GLS2: variants seen among roughly 807,000 people sequenced by gnomAD.
The protein encoded by GLS2 is glutaminase liver isoform, mitochondrial.
GLS2 carries 52 observed loss-of-function variants against 79.0 expected under a neutral mutation model. The observed-to-expected ratio is 0.66, with a 90% CI of 0.53 to 0.83. The LOEUF (loss-of-function observed/expected upper bound fraction) is 0.83. GLS2 is among the 40% of genes least tolerant of loss of function. The probability of loss-of-function intolerance (pLI) is 0.00; values close to 1 mark genes in which losing one functional copy is unlikely to be tolerated. For synonymous variants in GLS2, 238 were observed against 280.8 expected (o/e 0.85, Z 1.52); for missense variants, 561 against 764.8 (o/e 0.73, Z 3.14).
intron 15 of GLS2, chr12:56,472,453 A>C: frequency 1.7e-6 from 1 of 600,656 alleles, no homozygotes. Context: ...CAGGGTACCT[A>C]CTTCCTAGGA....
At chr12:56,476,017 G>A (rs1368613866) in intron 7 of GLS2, 40 bp from the exon 8 acceptor site, 2 of 1,590,904 alleles carry the variant, frequency 1.3e-6, no homozygotes, top group Admixed American at 1.7e-5. Context: ...CTAAGTGTAG[G>A]AGGATGACAG....
chr12:56,473,369 A>G (rs1447881749), intron 13 of GLS2, 49 bp from the exon 14 acceptor site: 1 of 1,606,416 alleles, frequency 6.2e-7, no homozygotes, highest in East Asian at 2.2e-5. Flanking sequence ...TACACTTAGT[A>G]GGAGCTCAAA....
Position 56,474,397 on chromosome 12 carries a change from C to T in GLS2, c.1224+147G>A, listed in dbSNP as rs949702817. ...AGGAACTTGGTGTTTTTGAGAAACT[C>T]GTCTAAGGAGTCTCAACCTAATTGC... On this transcript the variant is annotated intron_variant, in intron 12 of 17. Transcript: ENST00000311966. The T allele has an allele frequency of 1.8e-5, 17 of 924,096 alleles. No homozygotes were observed. In the East Asian group the frequency reaches 3.2e-4, roughly 17 times the overall value. The allele number at this position is 924,096 out of a possible 1,614,324, so 57.2% of individuals were successfully genotyped here.
At position 56,480,287 on chromosome 12, in the gene GLS2, C is replaced by G; in HGVS notation, c.282+1G>C. Reference sequence around the variant, plus strand: ...TCCTGAACAGGTAGAGGGCAACTTACAGTGGTGAACTTGTGGATAGGGATT... The same window carrying G: ...TCCTGAACAGGTAGAGGGCAACTTAGAGTGGTGAACTTGTGGATAGGGATT... On this transcript the variant is annotated splice_donor_variant, in intron 2 of 17. Transcript: ENST00000311966. LOFTEE classifies it high-confidence loss of function. 1 of 1,613,126 alleles carries G rather than the reference C, an allele frequency of 6.2e-7. No individual in the cohort carries two copies. Among genetic ancestry groups the G allele is most frequent in the Non-Finnish European group, 8.5e-7 (1 of 1,179,112 alleles).
chr12:56,485,945 G>A (rs1287529539), intron 1 of GLS2, among the ~76,000 whole-genome samples: 1 of 148,098 alleles, frequency 6.8e-6, no homozygotes, highest in Non-Finnish European at 1.5e-5. Flanking sequence ...AGGAAGCTGA[G>A]GCAGAGGTTG....
In GLS2 at chr12:56,480,280, C is replaced by A; in HGVS notation, c.282+8G>T. On this transcript the variant is annotated splice_region_variant and intron_variant, in intron 2 of 17. Transcript: ENST00000311966. ...ATTAGGATCCTGAACAGGTAGAGGG[C>A]AACTTACAGTGGTGAACTTGTGGAT... 2 of 1,611,658 alleles carry A rather than the reference C, an allele frequency of 1.2e-6. No homozygotes were observed. The highest frequency in any genetic ancestry group is 1.7e-6 in the Non-Finnish European group (2 of 1,177,878).
intron 4 of GLS2, 116 bp from the exon 5 acceptor site, chr12:56,478,378 A>AG: frequency 1.8e-6 from 2 of 1,086,656 alleles, no homozygotes; most frequent in South Asian, 1.5e-5. Context: ...TCTATAGGGC[A>AG]GAGGGGTTCC....
At chr12:56,480,510 C>G in intron 1 of GLS2, 123 bp from the exon 2 acceptor site, 1 of 721,984 alleles carries the variant, frequency 1.4e-6, no homozygotes. Flanking sequence ...CTTAAGCCAT[C>G]TGATCTATCC....
chr12:56,472,525 T>TGTA lies in GLS2; in HGVS notation c.1511+164_1511+165insTAC. The stretch of plus-strand genomic sequence containing the variant: ...AATTATCATAGAGCAGACAGTTTAC[T>TGTA]TTTTTTAAAAAAAATCTCCTTTTTT... On this transcript the variant is annotated intron_variant, in intron 15 of 17. Transcript: ENST00000311966. The TGTA allele has an allele frequency of 4.6e-6, 3 of 650,490 alleles. No homozygotes were observed. The South Asian group carries it at 5.9e-5, about 13-fold the overall frequency. 40.3% of individuals were successfully genotyped at this position (650,490 alleles called of 1,614,324 possible).
chr12:56,488,125 G>A lies in GLS2; in HGVS notation c.-7C>T, dbSNP rs1192418985. 6.5e-7 allele frequency: 1 copy of A among 1,529,086 alleles called. No homozygotes were observed. The highest frequency in any genetic ancestry group is 1.2e-5 in the South Asian group (1 of 83,610). 94.7% of individuals were successfully genotyped at this position (1,529,086 alleles called of 1,614,324 possible). On this transcript the variant is annotated 5_prime_UTR_variant, in exon 1 of 18. Coordinates refer to ENST00000311966, the MANE Select transcript of GLS2 (RefSeq NM_013267.4). ...GAGCCTTCATGGAGCGCATGCCCCA[G>A]CAAGCCTCCGGCTCTGCAGGTGCGC...
Position 56,480,392 on chromosome 12 carries a change from T to C in GLS2, c.183-5A>G. On this transcript the variant is annotated splice_polypyrimidine_tract_variant and splice_region_variant and intron_variant, in intron 1 of 17. Coordinates refer to ENST00000311966, the MANE Select transcript of GLS2 (RefSeq NM_013267.4). ...ATGCCACTTTCTGATGAATCACTGT[T>C]TGGGGGCAGAGAATGGGGAGGAAAG... 6.2e-7 allele frequency: 1 copy of C among 1,612,864 alleles called. No individual in the cohort carries two copies. The highest frequency in any genetic ancestry group is 8.5e-7 in the Non-Finnish European group (1 of 1,178,946).
At chr12:56,474,774 T>C in intron 11 of GLS2, 54 bp from the exon 12 acceptor site, 2 of 1,612,510 alleles carry the variant, frequency 1.2e-6, no homozygotes, top group Admixed American at 3.3e-5. Context: ...CATGGGACCC[T>C]CGGGTGTAGG....
intron 8 of GLS2, 121 bp from the exon 9 acceptor site, chr12:56,475,803 C>G: frequency 7.2e-7 from 1 of 1,388,208 alleles, no homozygotes; most frequent in Non-Finnish European, 1.0e-6. Context: ...CTGAGGCCAG[C>G]AGATTTCCAC....
intron 12 of GLS2, chr12:56,474,080 GTTTTTCTT>G (rs918446253): frequency 1.8e-5 from 3 of 170,124 alleles, no homozygotes; most frequent in African/African-American, 7.7e-5. Flanking sequence ...ACCTCTGGTT[GTTTTTCTT>G]TTTCTTTTTT....
In GLS2 at chr12:56,477,703, G is replaced by T; in HGVS notation, c.794C>A (p.Pro265His). 14 of 1,613,252 alleles carry T rather than the reference G, an allele frequency of 8.7e-6. No homozygotes were observed. The highest frequency in any genetic ancestry group is 1.1e-5 in the Non-Finnish European group (13 of 1,179,632). Residue 265 changes from proline to histidine, a missense_variant, in exon 7 of 18, where the codon CCC becomes CAC. Pro to His is a moderately conservative substitution (Grantham distance 77, BLOSUM62 -2). Coordinates refer to ENST00000311966, the MANE Select transcript of GLS2 (RefSeq NM_013267.4). The stretch of plus-strand genomic sequence containing the variant: ...AACAATGGCACCAGCATTGACCATG[G>T]GGTTATGGGGGATTCCTGGGGAAAT... ...SLNEEGIPHN[P>H]MVNAGAIVVS...
intron 1 of GLS2, among the ~76,000 whole-genome samples, chr12:56,482,146 G>A (rs1870349121): frequency 6.6e-6 from 1 of 152,094 alleles, no homozygotes; most frequent in African/African-American, 2.4e-5. Context: ...CAGGAGAATT[G>A]CCTGAGCCTG....
chr12:56,475,219 A>T, intron 9 of GLS2, 109 bp from the exon 10 acceptor site: 1 of 1,600,856 alleles, frequency 6.2e-7, no homozygotes, highest in Non-Finnish European at 8.5e-7. Context: ...CACAAACTAA[A>T]TGAACCCCTT....
chr12:56,483,558 C>T (rs935544641), intron 1 of GLS2, among the ~76,000 whole-genome samples: 15 of 151,974 alleles, frequency 9.9e-5, no homozygotes, highest in African/African-American at 2.7e-4. Flanking sequence ...CTAAAAGAAG[C>T]GTGCTGTAGA....
chr12:56,485,733 T>A (rs1212032420), intron 1 of GLS2, among the ~76,000 whole-genome samples: 1 of 152,152 alleles, frequency 6.6e-6, no homozygotes, highest in Non-Finnish European at 1.5e-5. Context: ...CTTGATACTC[T>A]TGTGTTTCTT....
Sources: gnomAD v4.1 joint callset for allele counts (sites outside exome capture counted in the v4.1 genomes callset) on GRCh38, gnomAD v4.1.1 for gene constraint, MANE v1.5 for transcripts, NCBI Gene and HGNC (gene_info 2026-07-23, HGNC 2026-07-21) for gene names.